PDS5A: variants seen among roughly 807,000 people sequenced by gnomAD.
PDS5A encodes sister chromatid cohesion protein PDS5 homolog A.
In PDS5A, 42 loss-of-function variants were observed where a neutral mutation model predicts 167.1. That is an observed-to-expected ratio of 0.25 (90% CI 0.20 to 0.33). The LOEUF (loss-of-function observed/expected upper bound fraction) is 0.33. Among genes scored for constraint, PDS5A ranks in the 10% least tolerant of loss-of-function variants. The pLI is 1.00. For synonymous variants in PDS5A, 553 were observed against 554.6 expected, an observed-to-expected ratio of 1.00 and a Z score of 0.04; for missense variants, 1,033 against 1,605.9, an observed-to-expected ratio of 0.64 and a Z score of 6.10.
intron 12 of PDS5A, among the ~76,000 whole-genome samples, 184 bp downstream of exon 12, chr4:39,903,856 T>C (rs532870247): frequency 6.6e-6 from 1 of 152,276 alleles, no homozygotes; most frequent in African/African-American, 2.4e-5. Flanking sequence ...TTAAACACAG[T>C]ACATAAAAAT....
chr4:39,958,236 G>C (rs1035742422), intron 2 of PDS5A, among the ~76,000 whole-genome samples: 2 of 151,908 alleles, frequency 1.3e-5, no homozygotes, highest in Middle Eastern at 3.4e-3. Flanking sequence ...GCCAGGCATG[G>C]TGGTTCACAC....
intron 32 of PDS5A, among the ~76,000 whole-genome samples, chr4:39,833,952 AG>A (rs904504695): frequency 6.6e-6 from 1 of 152,232 alleles, no homozygotes; most frequent in African/African-American, 2.4e-5. Context: ...AGCTTTGGAT[AG>A]AAAGTCTAGA....
In PDS5A at chr4:39,902,448, C is replaced by A; in HGVS notation, c.1398G>T (p.Glu466Asp). Residue 466 changes from glutamate to aspartate, a missense_variant, in exon 13 of 33, where the codon GAG (glutamate) becomes GAT (aspartate). Glu to Asp is a conservative substitution (Grantham distance 45, BLOSUM62 2). This residue lies in a region of PDS5A where 388 missense variants were observed against 615.1 expected (regional missense o/e 0.63). Transcript: ENST00000303538. ...QNSIDDKLLVEKIFAQYLVPH... is the reference protein window; with the variant it reads ...QNSIDDKLLVDKIFAQYLVPH... ...GGACAAGATACTGAGCAAAGATTTTCTCTACCAACAGTCTAGGAAATAACA... is the reference window on the plus strand; with the variant it reads ...GGACAAGATACTGAGCAAAGATTTTATCTACCAACAGTCTAGGAAATAACA... 1 of 1,532,476 alleles carries A rather than the reference C, an allele frequency of 6.5e-7. No individual in the cohort carries two copies. Among genetic ancestry groups the A allele is most frequent in the Non-Finnish European group, 9.0e-7 (1 of 1,117,198 alleles). 94.9% of individuals were successfully genotyped at this position (1,532,476 alleles called of 1,614,324 possible).
intron 2 of PDS5A, among the ~76,000 whole-genome samples, chr4:39,969,154 T>G (rs975159398): frequency 6.6e-6 from 1 of 152,252 alleles, no homozygotes; most frequent in South Asian, 2.1e-4. Flanking sequence ...GTTTTAATAT[T>G]TGTCAATTAA....
At chr4:39,826,390 G>C (rs115796910) in intron 32 of PDS5A, among the ~76,000 whole-genome samples, 570 of 152,244 alleles carry the variant, frequency 3.7e-3, no homozygotes, top group Middle Eastern at 6.8e-3. Flanking sequence ...CTTTTGCCCT[G>C]AGAAGTGCAT....
At chr4:39,854,127 C>T (rs1718341378) in intron 26 of PDS5A, among the ~76,000 whole-genome samples, 1 of 152,012 alleles carries the variant, frequency 6.6e-6, no homozygotes, top group Non-Finnish European at 1.5e-5. Context: ...CATGGCGAAA[C>T]TCCATCTCTT....
chr4:39,848,829 A>G, intron 28 of PDS5A, 22 bp downstream of exon 28: 1 of 1,559,438 alleles, frequency 6.4e-7, no homozygotes, highest in Non-Finnish European at 8.7e-7. Flanking sequence ...TGTGGTAGGA[A>G]AAATGAGAGG....
chr4:39,860,054 C>G (rs1368336364), intron 26 of PDS5A, among the ~76,000 whole-genome samples: 1 of 151,470 alleles, frequency 6.6e-6, no homozygotes, highest in African/African-American at 2.4e-5. Flanking sequence ...GGCAACATAA[C>G]AAGATCGCAT....
At position 39,900,484 on chromosome 4, in the gene PDS5A, C is replaced by A; in HGVS notation, c.1523G>T (p.Cys508Phe). The change falls in exon 14 of 33, where the codon TGT becomes TTT. Residue 508 changes from cysteine to phenylalanine, a missense_variant. Transcript: ENST00000303538. Reference protein sequence around the residue: ...AVKALNEMWKCQNMLRSHVRE... With the variant: ...AVKALNEMWKFQNMLRSHVRE... ...TACATGGCTCCGAAGCATGTTCTGA[C>A]ACTTCCACATTTCGTTGAGAGCTCT... 1 of 1,581,296 alleles carries A rather than the reference C, an allele frequency of 6.3e-7. No individual in the cohort carries two copies. Among genetic ancestry groups the A allele is most frequent in the Non-Finnish European group, 8.6e-7 (1 of 1,161,370 alleles).
intron 28 of PDS5A, chr4:39,846,537 G>T (rs1425566017): frequency 6.6e-6 from 1 of 152,112 alleles, no homozygotes; most frequent in Admixed American, 6.6e-5. Context: ...ATACAATTAA[G>T]TGAATTATGT....
chr4:39,912,564 C>T (rs548684152), intron 9 of PDS5A, among the ~76,000 whole-genome samples: 1 of 152,228 alleles, frequency 6.6e-6, no homozygotes, highest in East Asian at 1.9e-4. Flanking sequence ...AGCGATTTCT[C>T]AGAACCTAGG....
chr4:39,910,418 A>G, intron 9 of PDS5A, 80 bp from the exon 10 acceptor site: 1 of 712,724 alleles, frequency 1.4e-6, no homozygotes, highest in Non-Finnish European at 2.5e-6. Context: ...ACATGAAAAT[A>G]CTTATACGCA....
chr4:39,834,343 T>C (rs1716197326), intron 32 of PDS5A, among the ~76,000 whole-genome samples: 2 of 152,212 alleles, frequency 1.3e-5, no homozygotes, highest in Non-Finnish European at 2.9e-5. Context: ...AATGATAATA[T>C]CTGCTTATTA....
intron 29 of PDS5A, among the ~76,000 whole-genome samples, chr4:39,845,101 G>T (rs947910437): frequency 1.3e-5 from 2 of 151,972 alleles, no homozygotes. Context: ...CCATCTACTC[G>T]ATAGACTGAG....
intron 2 of PDS5A, among the ~76,000 whole-genome samples, chr4:39,970,640 C>G (rs769912758): frequency 3.3e-5 from 5 of 151,770 alleles, no homozygotes; most frequent in Non-Finnish European, 7.4e-5. Flanking sequence ...TGCCCTCTGC[C>G]ACTAAACTGC....
chr4:39,888,305 C>T (rs1049854545), intron 17 of PDS5A, among the ~76,000 whole-genome samples: 14 of 148,440 alleles, frequency 9.4e-5, no homozygotes, highest in Non-Finnish European at 1.6e-4. Flanking sequence ...CGGATGCCGG[C>T]GAGGATGTAG....
In PDS5A at chr4:39,848,935, A is replaced by G; in HGVS notation, c.3255T>C (p.Val1085=). The change falls in exon 28 of 33, where the codon GTT becomes GTC. Residue 1085 remains valine (V), a synonymous_variant. Transcript: ENST00000303538. ...TGCACAAAGCACTTTTACTATTTATAACACAGAGAGCCACATCACATACTG... is the reference window on the plus strand; with the variant it reads ...TGCACAAAGCACTTTTACTATTTATGACACAGAGAGCCACATCACATACTG... ...LYTVCDVALC[V]INSKSALCNA... is the part of the protein sequence containing the mutation. The G allele has an allele frequency of 6.2e-7, 1 of 1,604,280 alleles. No homozygotes were observed. The highest frequency in any genetic ancestry group is 8.5e-7 in the Non-Finnish European group (1 of 1,173,200).
chr4:39,975,460 T>C (rs1436725391), intron 2 of PDS5A, among the ~76,000 whole-genome samples: 3 of 152,214 alleles, frequency 2.0e-5, no homozygotes, highest in South Asian at 2.1e-4. Context: ...GGTGGAAACA[T>C]TGTCAACAAT....
chr4:39,842,431 T>C (rs549001454), intron 30 of PDS5A, among the ~76,000 whole-genome samples: 12 of 152,330 alleles, frequency 7.9e-5, no homozygotes, highest in East Asian at 5.8e-4. Context: ...GTCATTTCCA[T>C]AGTGTTCTAC....
Sources: allele counts gnomAD v4.1 joint callset (sites outside exome capture counted in the v4.1 genomes callset), GRCh38; gene constraint gnomAD v4.1.1; regional missense constraint gnomAD v4.1.1; transcripts MANE v1.5; gene names NCBI Gene and HGNC (gene_info 2026-07-23, HGNC 2026-07-21).